ZNF385C: variants seen among roughly 807,000 people sequenced by gnomAD.
ZNF385C encodes CTD-2132N18.2.
In ZNF385C, 28 loss-of-function variants were observed where a neutral mutation model predicts 35.4. The observed-to-expected ratio is 0.79, with a 90% confidence interval of 0.59 to 1.08. ZNF385C has a LOEUF of 1.08. Ranked by LOEUF, ZNF385C falls within the 50% of genes least tolerant of loss-of-function variation. The pLI, the probability that ZNF385C is intolerant of heterozygous loss-of-function variation, is 0.00. For synonymous variants in ZNF385C, 248 were observed against 248.2 expected, an observed-to-expected ratio of 1.00 and a Z score of 0.01; for missense variants, 605 against 595.6, an observed-to-expected ratio of 1.02 and a Z score of -0.16.
chr17:42,079,736 G>C (rs1555659591), intron 1 of ZNF385C, among the ~76,000 whole-genome samples: 1 of 152,080 alleles, frequency 6.6e-6, no homozygotes, highest in African/African-American at 2.4e-5. Context: ...CGATGTGAGG[G>C]ATGATGTCAT....
In ZNF385C at chr17:42,026,788, C is replaced by G; in HGVS notation, c.*109G>C. ...CAGCTCTTTCTGGATCGGGCAGGACCCCTGAAGCTGTTCACAGTCCCTGTG... is the reference window on the plus strand; with the variant it reads ...CAGCTCTTTCTGGATCGGGCAGGACGCCTGAAGCTGTTCACAGTCCCTGTG... On this transcript the variant is annotated 3_prime_UTR_variant, in exon 9 of 9. Coordinates refer to ENST00000692273, the MANE Select transcript of ZNF385C (RefSeq NM_001392013.1). 1 of 1,095,258 alleles carries G rather than the reference C, an allele frequency of 9.1e-7. No individual in the cohort carries two copies. Among genetic ancestry groups the G allele is most frequent in the Non-Finnish European group, 1.4e-6 (1 of 731,920 alleles). 67.8% of individuals were successfully genotyped at this position (1,095,258 alleles called of 1,614,324 possible).
intron 7 of ZNF385C, 120 bp from the exon 8 acceptor site, chr17:42,027,848 G>A: frequency 7.9e-7 from 1 of 1,260,964 alleles, no homozygotes; most frequent in East Asian, 2.4e-5. Context: ...ACACAGACTG[G>A]GTCCTCACCC....
chr17:42,049,847 C>G lies in ZNF385C; in HGVS notation c.251-11962G>C, dbSNP rs540947107. 3.3e-5 allele frequency among the ~76,000 whole-genome samples: 5 copies of G among 152,346 alleles called. 1 individual carries two copies. The South Asian group carries it at 8.3e-4, about 25-fold the overall frequency. On this transcript the variant is annotated intron_variant, in intron 2 of 8. Coordinates refer to ENST00000692273, the MANE Select transcript of ZNF385C (RefSeq NM_001392013.1). ...ATTGTAAATGCAGCTGTTTAAATTA[C>G]TTAGAATTAAATAAAACATTAGCAT...
At chr17:42,027,554 G>GGCCCGCCCC in intron 8 of ZNF385C, 64 bp downstream of exon 8, 1 of 556,882 alleles carries the variant, frequency 1.8e-6, no homozygotes, top group Non-Finnish European at 3.3e-6. Flanking sequence ...CCCCCATCTG[G>GGCCCGCCCC]CCCTCCCAGC....
intron 2 of ZNF385C, chr17:42,043,350 C>G (rs527783426): frequency 6.6e-5 from 81 of 1,232,104 alleles, no homozygotes; most frequent in African/African-American, 9.3e-5. Context: ...AGGCCTCTCC[C>G]GCTGGTTTCT....
intron 3 of ZNF385C, among the ~76,000 whole-genome samples, chr17:42,035,977 TA>T (rs2143590316): frequency 6.6e-6 from 1 of 151,794 alleles, no homozygotes; most frequent in African/African-American, 2.4e-5. Flanking sequence ...TTTGGAATAT[TA>T]ATTTGGATTT....
Position 42,026,814 on chromosome 17 carries a change from G to T in ZNF385C, c.*83C>A. 1 of 1,326,546 alleles carries T rather than the reference G, an allele frequency of 7.5e-7. No homozygotes were observed. 82.2% of individuals were successfully genotyped at this position (1,326,546 alleles called of 1,614,324 possible). ...CCTGAAGCTGTTCACAGTCCCTGTG[G>T]CATGTAGGAAACCAAGGTGTCTCAG... is the stretch of plus-strand genomic sequence containing the variant. On this transcript the variant is annotated 3_prime_UTR_variant, in exon 9 of 9. Coordinates refer to ENST00000692273, the MANE Select transcript of ZNF385C (RefSeq NM_001392013.1).
chr17:42,063,398 C>T (rs1327420271), intron 1 of ZNF385C, among the ~76,000 whole-genome samples: 1 of 152,150 alleles, frequency 6.6e-6, no homozygotes, highest in Non-Finnish European at 1.5e-5. Flanking sequence ...CATGGTGGCG[C>T]ATGCCTGTAA....
At chr17:42,046,863 CTTT>C (rs782334593) in intron 2 of ZNF385C, among the ~76,000 whole-genome samples, 4 of 140,650 alleles carry the variant, frequency 2.8e-5, no homozygotes, top group Non-Finnish European at 1.6e-5. Flanking sequence ...ATTTTTTTTC[CTTT>C]TTTTTTTTTT....
chr17:42,056,135 T>C (rs1008476487), intron 2 of ZNF385C, among the ~76,000 whole-genome samples: 2 of 152,244 alleles, frequency 1.3e-5, no homozygotes, highest in Non-Finnish European at 2.9e-5. Flanking sequence ...TCTTGTGTCA[T>C]GTTGCAATGG....
At chr17:42,081,328 A>G (rs1397948826) in intron 1 of ZNF385C, among the ~76,000 whole-genome samples, 1 of 152,086 alleles carries the variant, frequency 6.6e-6, no homozygotes, top group Admixed American at 6.5e-5. Context: ...TTTTGGCCAC[A>G]ACCACTCACG....
At position 42,026,789 on chromosome 17, in the gene ZNF385C, C is replaced by A; in HGVS notation, c.*108G>T. 9.0e-7 allele frequency: 1 copy of A among 1,110,446 alleles called. No homozygotes were observed. Among genetic ancestry groups the A allele is most frequent in the Non-Finnish European group, 1.3e-6 (1 of 745,650 alleles). 68.8% of individuals were successfully genotyped at this position (1,110,446 alleles called of 1,614,324 possible). ...AGCTCTTTCTGGATCGGGCAGGACC[C>A]CTGAAGCTGTTCACAGTCCCTGTGG... On this transcript the variant is annotated 3_prime_UTR_variant, in exon 9 of 9. Coordinates refer to ENST00000692273, the MANE Select transcript of ZNF385C (RefSeq NM_001392013.1).
At chr17:42,058,573 G>A (rs1479708357) in intron 2 of ZNF385C, among the ~76,000 whole-genome samples, 3 of 152,236 alleles carry the variant, frequency 2.0e-5, no homozygotes, top group Non-Finnish European at 2.9e-5. Flanking sequence ...CCTGGGCAGA[G>A]CTGGAAGAGG....
Position 42,028,898 on chromosome 17 carries a change from T to TG in ZNF385C, c.851dup (p.Ala285SerfsTer14). Reference sequence around the variant, plus strand: ...CACTCATGCTGCTTCCCACGGCAGCTGCCGCTGGCTCAGGCCCCGGTGCCT... The same window carrying TG: ...CACTCATGCTGCTTCCCACGGCAGCTGGCCGCTGGCTCAGGCCCCGGTGCCT... On this transcript the variant is annotated frameshift_variant, in exon 6 of 9. Coordinates refer to ENST00000692273, the MANE Select transcript of ZNF385C (RefSeq NM_001392013.1). LOFTEE classifies it high-confidence loss of function. 1 of 1,550,546 alleles carries TG rather than the reference T, an allele frequency of 6.4e-7. No individual in the cohort carries two copies. Among genetic ancestry groups the TG allele is most frequent in the Non-Finnish European group, 8.7e-7 (1 of 1,146,972 alleles).
chr17:42,085,979 G>A (rs575291117), intron 1 of ZNF385C, among the ~76,000 whole-genome samples: 1 of 152,302 alleles, frequency 6.6e-6, no homozygotes, highest in South Asian at 2.1e-4. Context: ...GAGGTGGGAG[G>A]ATTGCTTGAG....
intron 5 of ZNF385C, among the ~76,000 whole-genome samples, chr17:42,029,734 A>AC (rs1463995503): frequency 5.9e-5 from 9 of 151,604 alleles, no homozygotes; most frequent in Admixed American, 3.3e-4. Flanking sequence ...AAACAAACAA[A>AC]AAAAACACAG....
intron 2 of ZNF385C, among the ~76,000 whole-genome samples, chr17:42,049,927 A>G (rs562384903): frequency 3.9e-5 from 6 of 152,326 alleles, no homozygotes; most frequent in African/African-American, 1.2e-4. Flanking sequence ...GCTAGTGGCT[A>G]TTGCATTGGA....
intron 2 of ZNF385C, among the ~76,000 whole-genome samples, chr17:42,041,871 A>G (rs879979703): frequency 6.6e-6 from 1 of 152,144 alleles, no homozygotes; most frequent in Non-Finnish European, 1.5e-5. Flanking sequence ...TTGAGCTTGG[A>G]GAGGGCCAGG....
intron 2 of ZNF385C, among the ~76,000 whole-genome samples, chr17:42,042,491 C>T (rs2053048143): frequency 6.6e-6 from 1 of 151,736 alleles, no homozygotes; most frequent in East Asian, 1.9e-4. Flanking sequence ...CACTGCTCTC[C>T]AGCCTGGGTG....
Sources: allele counts gnomAD v4.1 joint callset (sites outside exome capture counted in the v4.1 genomes callset), GRCh38; gene constraint gnomAD v4.1.1; transcripts MANE v1.5; gene names NCBI Gene and HGNC (gene_info 2026-07-23, HGNC 2026-07-21).